Variants in CUL1 observed in about 807,000 individuals in gnomAD.
The protein encoded by CUL1 is cullin-1.
A neutral mutation model predicts 118.0 loss-of-function variants in CUL1; 24 were observed. That is an observed-to-expected ratio of 0.20 (90% CI 0.15 to 0.29). The LOEUF is 0.29. CUL1 is among the 10% of genes least tolerant of loss of function. The probability of loss-of-function intolerance (pLI) is 1.00; values close to 1 mark genes in which losing one functional copy is unlikely to be tolerated. For missense variants in CUL1, 361 were observed against 933.8 expected (o/e 0.39, Z 7.99); for synonymous variants, 332 against 340.4 (o/e 0.98, Z 0.27).
intron 1 of CUL1, among the ~76,000 whole-genome samples, chr7:148,716,442 A>G (rs1460760543): frequency 6.6e-6 from 1 of 152,200 alleles, no homozygotes; most frequent in African/African-American, 2.4e-5. Context: ...GGAACTGTCA[A>G]ATTTCCATCA....
intron 3 of CUL1, among the ~76,000 whole-genome samples, chr7:148,755,975 C>T (rs926641130): frequency 2.6e-5 from 4 of 152,222 alleles, no homozygotes; most frequent in South Asian, 4.1e-4. Flanking sequence ...CTTCCTCTTT[C>T]GTGCTTCTCT....
intron 16 of CUL1, among the ~76,000 whole-genome samples, chr7:148,792,521 A>T (rs1309001004): frequency 6.6e-6 from 1 of 152,248 alleles, no homozygotes; most frequent in Non-Finnish European, 1.5e-5. Context: ...GTAAACATGG[A>T]AAATGAATGA....
intron 1 of CUL1, among the ~76,000 whole-genome samples, chr7:148,710,796 T>A (rs1798027399): frequency 1.3e-5 from 2 of 151,968 alleles, no homozygotes; most frequent in Admixed American, 1.3e-4. Context: ...CCCAAGTAGC[T>A]AGGATTAAAG....
At chr7:148,796,769 C>G (rs1801212562) in intron 17 of CUL1, among the ~76,000 whole-genome samples, 1 of 152,092 alleles carries the variant, frequency 6.6e-6, no homozygotes, top group Non-Finnish European at 1.5e-5. Context: ...CCTTTCTGCC[C>G]ACAGTAGATG....
At chr7:148,726,211 A>G (rs1425161930) in intron 1 of CUL1, among the ~76,000 whole-genome samples, 1 of 152,202 alleles carries the variant, frequency 6.6e-6, no homozygotes, top group African/African-American at 2.4e-5. Context: ...TGTAAAGAAC[A>G]TATTTGATGT....
intron 2 of CUL1, among the ~76,000 whole-genome samples, chr7:148,749,490 A>G (rs1240888397): frequency 6.6e-6 from 1 of 152,042 alleles, no homozygotes; most frequent in African/African-American, 2.4e-5. Context: ...ATTAAAACCC[A>G]AAATAGTTCT....
intron 1 of CUL1, among the ~76,000 whole-genome samples, chr7:148,724,704 CAGG>C (rs879302269): frequency 7.2e-5 from 11 of 152,208 alleles, no homozygotes; most frequent in Non-Finnish European, 1.3e-4. Context: ...GTGTCCAAGT[CAGG>C]AGGTGGCACA....
intron 17 of CUL1, among the ~76,000 whole-genome samples, chr7:148,793,313 TAATAA>T (rs1011291320): frequency 6.6e-6 from 1 of 152,210 alleles, no homozygotes; most frequent in Non-Finnish European, 1.5e-5. Context: ...ATATTTTAGA[TAATAA>T]AATTTGACAT....
intron 1 of CUL1, 100 bp from the exon 2 acceptor site, chr7:148,729,862 T>C: frequency 5.3e-6 from 2 of 375,746 alleles, no homozygotes; most frequent in Non-Finnish European, 9.5e-6. Context: ...AGAAATGGTC[T>C]CTAGAGTGGG....
intron 4 of CUL1, among the ~76,000 whole-genome samples, 173 bp from the exon 5 acceptor site, chr7:148,759,131 G>GAATTC (rs1295782482): frequency 1.3e-5 from 2 of 152,212 alleles, no homozygotes; most frequent in Non-Finnish European, 2.9e-5. Context: ...GATACCTCTT[G>GAATTC]AAGTTGTTGA....
At chr7:148,749,511 G>A (rs986369487) in intron 2 of CUL1, among the ~76,000 whole-genome samples, 3 of 149,774 alleles carry the variant, frequency 2.0e-5, no homozygotes, top group African/African-American at 4.9e-5. Context: ...TTAAAAAACC[G>A]ACAAGCCTCT....
chr7:148,783,898 C>A lies in CUL1; in HGVS notation c.1191+8C>A, dbSNP rs10271133. ...GTGGCTGCTCTTGATAAGGTAGGTG[C>A]GTGAGGGTTGTGACTTGCCTGTAGT... On this transcript the variant is annotated splice_region_variant and intron_variant, in intron 10 of 21. Coordinates refer to ENST00000325222, the MANE Select transcript of CUL1 (RefSeq NM_003592.3). 9 of 1,613,412 alleles carry A rather than the reference C, an allele frequency of 5.6e-6. No homozygotes were observed. The highest frequency in any genetic ancestry group is 7.6e-6 in the Non-Finnish European group (9 of 1,179,600).
intron 16 of CUL1, among the ~76,000 whole-genome samples, chr7:148,790,666 C>A (rs1456074618): frequency 1.3e-5 from 2 of 152,136 alleles, no homozygotes; most frequent in African/African-American, 4.8e-5. Context: ...TTTTCTCCTC[C>A]ATTAATGGGA....
intron 2 of CUL1, among the ~76,000 whole-genome samples, chr7:148,742,547 G>A (rs1799177746): frequency 6.6e-6 from 1 of 151,588 alleles, no homozygotes; most frequent in Non-Finnish European, 1.5e-5. Context: ...AACCATGTCA[G>A]GGAGTATTGC....
At chr7:148,794,031 A>G (rs745403331) in intron 17 of CUL1, among the ~76,000 whole-genome samples, 1 of 151,748 alleles carries the variant, frequency 6.6e-6, no homozygotes, top group Non-Finnish European at 1.5e-5. Context: ...GTTTATTGCC[A>G]TTTGTATATC....
chr7:148,784,728 TG>T (rs1800761587), intron 11 of CUL1, among the ~76,000 whole-genome samples: 1 of 152,214 alleles, frequency 6.6e-6, no homozygotes. Context: ...GGCTTTCTGT[TG>T]CAATAGTTTT....
chr7:148,756,688 C>T (rs746246921), intron 3 of CUL1, among the ~76,000 whole-genome samples: 1 of 151,916 alleles, frequency 6.6e-6, no homozygotes, highest in East Asian at 1.9e-4. Context: ...TGGTATATTT[C>T]TTAATAAAAA....
chr7:148,743,684 G>A (rs549785553), intron 2 of CUL1, among the ~76,000 whole-genome samples: 5 of 148,786 alleles, frequency 3.4e-5, no homozygotes, highest in Admixed American at 6.6e-5. Flanking sequence ...CGGGCAGATC[G>A]CCGGAGGCCA....
intron 9 of CUL1, chr7:148,783,265 A>G: frequency 7.5e-6 from 7 of 929,814 alleles, no homozygotes; most frequent in Non-Finnish European, 9.0e-6. Context: ...CCGTCCTGCG[A>G]TGAGGCCCTG....
Sources: gnomAD v4.1 joint callset for allele counts (sites outside exome capture counted in the v4.1 genomes callset) on GRCh38, gnomAD v4.1.1 for gene constraint, MANE v1.5 for transcripts, NCBI Gene and HGNC (gene_info 2026-07-23, HGNC 2026-07-21) for gene names.